Variants in SATB1 observed in about 807,000 individuals in gnomAD.
The protein encoded by SATB1 is SATB homeobox 1.
A neutral mutation model predicts 86.9 loss-of-function variants in SATB1; 11 were observed. The ratio of observed to expected loss-of-function variants is 0.13; its 90% confidence interval spans 0.08 to 0.21. The LOEUF is 0.21. Ranked by LOEUF, SATB1 falls within the 10% of genes least tolerant of loss-of-function variation. SATB1 has a pLI of 1.00. For synonymous variants in SATB1, 357 were observed against 357.2 expected, an observed-to-expected ratio of 1.00 and a Z score of 0.01; for missense variants, 551 against 937.6, an observed-to-expected ratio of 0.59 and a Z score of 5.39.
chr3:18,445,378 G>A (rs1461789694), intron 1 of SATB1: 5 of 983,586 alleles, frequency 5.1e-6, no homozygotes, highest in Non-Finnish European at 6.0e-6. Flanking sequence ...GGCCGGAGGG[G>A]CGAGGGCGGG....
Position 18,349,086 on chromosome 3 carries a change from G to T in SATB1, c.*84C>A. 6.5e-7 allele frequency: 1 copy of T among 1,529,782 alleles called. No homozygotes were observed. The highest frequency in any genetic ancestry group is 8.7e-7 in the Non-Finnish European group (1 of 1,143,014). The allele number at this position is 1,529,782 out of a possible 1,614,324, so 94.8% of individuals were successfully genotyped here. On this transcript the variant is annotated 3_prime_UTR_variant, in exon 11 of 11. Coordinates refer to ENST00000338745, the MANE Select transcript of SATB1 (RefSeq NM_002971.6). This position sits in a 1 kb window ranked among gnomAD's most constrained non-coding sequence, Gnocchi z 5.5. Reference sequence around the variant, plus strand: ...CATTGGCCAAACAATGAACAACAAAGGTTTTCTGAGAGAAGACAAGGTGGA... The same window carrying T: ...CATTGGCCAAACAATGAACAACAAATGTTTTCTGAGAGAAGACAAGGTGGA...
At chr3:18,372,170 G>A (rs1231685592) in intron 9 of SATB1, among the ~76,000 whole-genome samples, 1 of 152,214 alleles carries the variant, frequency 6.6e-6, no homozygotes, top group African/African-American at 2.4e-5. Context: ...CTGGATTGCT[G>A]TAAAGGGACC....
At chr3:18,387,002 T>C (rs957827133) in intron 7 of SATB1, among the ~76,000 whole-genome samples, 4 of 152,146 alleles carry the variant, frequency 2.6e-5, no homozygotes, top group Admixed American at 6.5e-5. Flanking sequence ...CAGCCCAATA[T>C]GTAAAGATAC....
chr3:18,388,455 T>C (rs1011683096), intron 7 of SATB1, among the ~76,000 whole-genome samples: 19 of 152,288 alleles, frequency 1.2e-4, no homozygotes, highest in Non-Finnish European at 2.5e-4. Context: ...TATGGATACA[T>C]GAAAACATCA....
rs1046015160 is a variant in SATB1, at chr3:18,444,969, A to T, written c.-25+549T>A. On this transcript the variant is annotated intron_variant, in intron 1 of 3. Coordinates refer to the SATB1 transcript ENST00000415069. This position sits in a 1 kb window ranked among gnomAD's most constrained non-coding sequence, Gnocchi z 5.1. ...GCGGGAGGGGGAAGGGGCCGGCGGG[A>T]GCTGCTCTCGTCTCGTCGGTCGCGG... The T allele has an allele frequency of 6.9e-6, 1 of 143,978 alleles. No individual in the cohort carries two copies. The highest frequency in any genetic ancestry group is 2.7e-5 in the African/African-American group (1 of 37,386). The allele number at this position is 143,978 out of a possible 1,614,324, so 8.9% of individuals were successfully genotyped here.
intron 7 of SATB1, among the ~76,000 whole-genome samples, chr3:18,392,720 G>T (rs1040181616): frequency 2.0e-5 from 3 of 151,806 alleles, no homozygotes; most frequent in Non-Finnish European, 2.9e-5. Flanking sequence ...CTAGTACGGA[G>T]AATTATTAGT....
chr3:18,380,871 C>CA (rs1325715959), intron 8 of SATB1, among the ~76,000 whole-genome samples: 2 of 152,062 alleles, frequency 1.3e-5, no homozygotes, highest in Non-Finnish European at 2.9e-5. Context: ...TAGCTTAGTA[C>CA]AAAAAAATCT....
chr3:18,419,981 A>G (rs1698306223), intron 2 of SATB1, among the ~76,000 whole-genome samples: 1 of 152,246 alleles, frequency 6.6e-6, no homozygotes, highest in Non-Finnish European at 1.5e-5. Flanking sequence ...ATTTTTATCC[A>G]TTGCTTAGCA....
upstream of SATB1, among the ~76,000 whole-genome samples, chr3:18,427,358 C>T (rs1698743290): frequency 1.3e-5 from 2 of 151,984 alleles, no homozygotes; most frequent in Non-Finnish European, 2.9e-5. Context: ...CAAACAATAG[C>T]AACATTTAAA....
At chr3:18,434,095 T>C (rs1203286125) in intron 2 of SATB1, among the ~76,000 whole-genome samples, 1 of 152,162 alleles carries the variant, frequency 6.6e-6, no homozygotes. Flanking sequence ...CAATATCCAC[T>C]ATTCTTCTAT....
chr3:18,445,323 C>T (rs1699364059), intron 1 of SATB1: 2 of 985,036 alleles, frequency 2.0e-6, no homozygotes, highest in South Asian at 9.1e-5. Context: ...GCGCACCGCT[C>T]CCGGGCTCCC....
At chr3:18,408,347 A>G (rs956611527) in intron 5 of SATB1, among the ~76,000 whole-genome samples, 5 of 152,032 alleles carry the variant, frequency 3.3e-5, no homozygotes, top group African/African-American at 4.8e-5. Context: ...ATACAATCTT[A>G]TATTTCTGTA....
chr3:18,382,606 G>C (rs1696122242), intron 8 of SATB1, among the ~76,000 whole-genome samples: 1 of 152,194 alleles, frequency 6.6e-6, no homozygotes, highest in South Asian at 2.1e-4. Flanking sequence ...CAAGGAAGCT[G>C]GGAGGACTGG....
chr3:18,384,525 A>T (rs1323089209), intron 8 of SATB1, among the ~76,000 whole-genome samples: 1 of 151,152 alleles, frequency 6.6e-6, no homozygotes, highest in Non-Finnish European at 1.5e-5. Context: ...CCATTCTTTT[A>T]TTAGTATTGC....
chr3:18,399,544 TAC>T (rs1697143160), intron 5 of SATB1, among the ~76,000 whole-genome samples: 1 of 152,194 alleles, frequency 6.6e-6, no homozygotes, highest in African/African-American at 2.4e-5. Flanking sequence ...AATAGTGCTA[TAC>T]AGTTTATTAT....
In SATB1 at chr3:18,346,797, C is replaced by G. The variant is rs1174964404; in HGVS notation, c.*2373G>C. The stretch of plus-strand genomic sequence containing the variant: ...AGGAATTGGAAAGTTATTTGCAACC[C>G]AAACTTAGGGGATATAAGGAAGAGG... On this transcript the variant is annotated 3_prime_UTR_variant, in exon 11 of 11. Coordinates refer to ENST00000338745, the MANE Select transcript of SATB1 (RefSeq NM_002971.6). The G allele has an allele frequency of 6.6e-6, 1 of 152,004 alleles. No homozygotes were observed. Among genetic ancestry groups the G allele is most frequent in the Non-Finnish European group, 1.5e-5 (1 of 67,978 alleles). 9.4% of individuals were successfully genotyped at this position (152,004 alleles called of 1,614,324 possible).
chr3:18,422,992 T>C (rs182761482), intron 1 of SATB1, among the ~76,000 whole-genome samples: 6 of 152,344 alleles, frequency 3.9e-5, no homozygotes, highest in Admixed American at 2.0e-4. Flanking sequence ...TAAGTCGTGG[T>C]GTAAAAAGCT....
At chr3:18,390,706 C>G (rs1286350527) in intron 7 of SATB1, among the ~76,000 whole-genome samples, 1 of 151,982 alleles carries the variant, frequency 6.6e-6, no homozygotes, top group Admixed American at 6.6e-5. Context: ...TTTGAATAAT[C>G]CATCTTCATT....
intron 5 of SATB1, chr3:18,409,710 A>G (rs186689614): frequency 6.6e-6 from 1 of 152,184 alleles, no homozygotes; most frequent in Non-Finnish European, 1.5e-5. Flanking sequence ...TTAATGTTAA[A>G]AAGGAAAGAA....
Sources: gnomAD v4.1 joint callset for allele counts (sites outside exome capture counted in the v4.1 genomes callset) on GRCh38, gnomAD v4.1.1 for gene constraint, Gnocchi (gnomAD v3.1) non-coding constraint, MANE v1.5 for transcripts, NCBI Gene and HGNC (gene_info 2026-07-23, HGNC 2026-07-21) for gene names.